ASIC2: variants seen among roughly 807,000 people sequenced by gnomAD.
ASIC2 encodes acid-sensing ion channel 2.
Under a neutral mutation model 57.3 loss-of-function variants are expected in ASIC2, and 25 were observed. That is an observed-to-expected ratio of 0.44 (90% CI 0.32 to 0.61). The LOEUF (loss-of-function observed/expected upper bound fraction) is 0.61. Ranked by LOEUF, ASIC2 falls within the 20% of genes least tolerant of loss-of-function variation. ASIC2 has a pLI of 0.06. For missense variants in ASIC2, 641 were observed against 738.1 expected (o/e 0.87, Z 1.52); for synonymous variants, 319 against 307.5 (o/e 1.04, Z -0.39).
At chr17:33,250,261 A>G (rs1270746308) in intron 1 of ASIC2, among the ~76,000 whole-genome samples, 1 of 152,242 alleles carries the variant, frequency 6.6e-6, no homozygotes, top group Non-Finnish European at 1.5e-5. Flanking sequence ...TAGTCCTGAC[A>G]TAACACTCAC....
At chr17:33,664,399 C>T (rs1412559627) in intron 1 of ASIC2, among the ~76,000 whole-genome samples, 2 of 152,154 alleles carry the variant, frequency 1.3e-5, no homozygotes, top group African/African-American at 2.4e-5. Flanking sequence ...AACATTCATT[C>T]GTGTGATTCC....
At chr17:33,277,698 G>C (rs949269150) in intron 1 of ASIC2, among the ~76,000 whole-genome samples, 2 of 152,172 alleles carry the variant, frequency 1.3e-5, no homozygotes, top group African/African-American at 4.8e-5. Flanking sequence ...CCAAAGAAAA[G>C]GGCCTGGCTC....
intron 1 of ASIC2, among the ~76,000 whole-genome samples, chr17:33,770,609 G>T (rs1191779826): frequency 6.6e-6 from 1 of 152,078 alleles, no homozygotes; most frequent in Admixed American, 6.5e-5. Context: ...TTGTAAATCT[G>T]CCTCTCACCC....
intron 3 of ASIC2, among the ~76,000 whole-genome samples, chr17:33,047,966 A>G (rs1055493241): frequency 1.3e-5 from 2 of 152,184 alleles, no homozygotes; most frequent in Admixed American, 6.5e-5. Context: ...CAAAATTCAT[A>G]TATTGAAGCC....
chr17:33,653,267 C>T (rs982886282), intron 1 of ASIC2, among the ~76,000 whole-genome samples: 2 of 152,150 alleles, frequency 1.3e-5, no homozygotes, highest in African/African-American at 2.4e-5. Context: ...TCTGACACCA[C>T]GTAATCAGTG....
At chr17:34,140,215 T>A (rs1912235805) in intron 1 of ASIC2, among the ~76,000 whole-genome samples, 1 of 152,074 alleles carries the variant, frequency 6.6e-6, no homozygotes, top group Non-Finnish European at 1.5e-5. Flanking sequence ...ACGGGCGCCA[T>A]TCAAGAGAAT....
At chr17:34,120,942 G>A (rs1479901792) in intron 1 of ASIC2, among the ~76,000 whole-genome samples, 3 of 151,832 alleles carry the variant, frequency 2.0e-5, no homozygotes, top group Non-Finnish European at 4.4e-5. Flanking sequence ...GTTTTACCAT[G>A]TTCCCCAGGC....
At chr17:33,368,014 A>G (rs145685899) in intron 1 of ASIC2, among the ~76,000 whole-genome samples, 85 of 152,288 alleles carry the variant, frequency 5.6e-4, no homozygotes, top group Non-Finnish European at 1.0e-3. Context: ...AAGATGGTAG[A>G]CTATATTTTC....
intron 1 of ASIC2, among the ~76,000 whole-genome samples, chr17:33,823,564 C>A (rs1912814696): frequency 6.6e-6 from 1 of 152,144 alleles, no homozygotes; most frequent in African/African-American, 2.4e-5. Flanking sequence ...GGCTGATGAG[C>A]CTTACACTGA....
intron 1 of ASIC2, among the ~76,000 whole-genome samples, chr17:33,401,523 G>A (rs1258191463): frequency 6.6e-6 from 1 of 152,144 alleles, no homozygotes; most frequent in African/African-American, 2.4e-5. Flanking sequence ...GGCTGCACTG[G>A]ATAGATGTGA....
At chr17:33,377,601 T>G (rs1909327973) in intron 1 of ASIC2, among the ~76,000 whole-genome samples, 1 of 152,238 alleles carries the variant, frequency 6.6e-6, no homozygotes, top group African/African-American at 2.4e-5. Context: ...AATATAATTC[T>G]TATCTTCTGC....
chr17:33,530,601 G>A (rs1485063285), intron 1 of ASIC2, among the ~76,000 whole-genome samples: 1 of 152,252 alleles, frequency 6.6e-6, no homozygotes, highest in Non-Finnish European at 1.5e-5. Context: ...GGGAGCATGA[G>A]GCCTTTTGGG....
At chr17:33,949,509 G>A (rs535226326) in intron 1 of ASIC2, among the ~76,000 whole-genome samples, 5 of 152,210 alleles carry the variant, frequency 3.3e-5, no homozygotes, top group South Asian at 2.1e-4. Context: ...TAAAGGTACC[G>A]CATACCTTTT....
At chr17:33,852,046 C>T (rs773138539) in intron 1 of ASIC2, among the ~76,000 whole-genome samples, 5 of 152,200 alleles carry the variant, frequency 3.3e-5, no homozygotes, top group South Asian at 2.1e-4. Context: ...CTCAGGCCTG[C>T]GCTGCTTCAC....
chr17:33,645,380 A>C (rs1407060906), intron 1 of ASIC2, among the ~76,000 whole-genome samples: 1 of 152,188 alleles, frequency 6.6e-6, no homozygotes, highest in African/African-American at 2.4e-5. Context: ...AGAACACTCT[A>C]AAAAACTTGG....
chr17:33,960,584 A>G (rs561871032), intron 1 of ASIC2, among the ~76,000 whole-genome samples: 2 of 152,230 alleles, frequency 1.3e-5, no homozygotes, highest in African/African-American at 4.8e-5. Flanking sequence ...AGAGCCTTCA[A>G]TGATCAGGAC....
chr17:34,100,597 G>A (rs902705044), intron 1 of ASIC2, among the ~76,000 whole-genome samples: 1 of 152,124 alleles, frequency 6.6e-6, no homozygotes, highest in Non-Finnish European at 1.5e-5. Flanking sequence ...ACACCTCAAT[G>A]CAGAAGGGAA....
rs567895814 is a variant in ASIC2, at chr17:33,488,242, G to A, written c.556-376175C>T. Among the ~76,000 whole-genome samples the A allele has an allele frequency of 2.3e-3, 345 of 152,154 alleles. 2 individuals carry two copies. Among genetic ancestry groups the A allele is most frequent in the Non-Finnish European group, 3.7e-3 (251 of 68,004 alleles). ...TGTTTGCTTTCCGTTGTGCTCCTTA[G>A]CCTCCCTGTCATGCCTCTATTCCAG... is the stretch of plus-strand genomic sequence containing the variant. On this transcript the variant is annotated intron_variant, in intron 1 of 9. Coordinates refer to the ASIC2 transcript ENST00000359872.
chr17:33,375,238 T>C (rs10438803), intron 1 of ASIC2, among the ~76,000 whole-genome samples: 76,922 of 151,786 alleles, frequency 0.51, 19,968 homozygotes, highest in East Asian at 0.79. Flanking sequence ...GAGGTGACAT[T>C]TGAGCAGAGA....
Sources: allele counts gnomAD v4.1 joint callset (sites outside exome capture counted in the v4.1 genomes callset), GRCh38; gene constraint gnomAD v4.1.1; transcripts MANE v1.5; gene names NCBI Gene and HGNC (gene_info 2026-07-23, HGNC 2026-07-21).